GRM8: variants seen among roughly 807,000 people sequenced by gnomAD.
GRM8 encodes metabotropic glutamate receptor 8.
A neutral mutation model predicts 87.2 loss-of-function variants in GRM8; 47 were observed. The observed-to-expected ratio is 0.54, with a 90% CI of 0.43 to 0.69. The LOEUF (loss-of-function observed/expected upper bound fraction) is 0.69, where lower values mean the gene tolerates loss of function less well. Ranked by LOEUF, GRM8 falls within the 30% of genes least tolerant of loss-of-function variation. The pLI, the probability that GRM8 is intolerant of heterozygous loss-of-function variation, is 0.00. For missense variants in GRM8, 1,019 were observed against 1,139.2 expected, an observed-to-expected ratio of 0.89 and a Z score of 1.52; for synonymous variants, 396 against 404.5, an observed-to-expected ratio of 0.98 and a Z score of 0.25.
intron 3 of GRM8, among the ~76,000 whole-genome samples, chr7:126,986,639 A>G (rs17867059): frequency 0.015 from 2,215 of 152,292 alleles, 50 homozygotes; most frequent in African/African-American, 0.051. Flanking sequence ...ATATCCATAT[A>G]CATTAATATA....
chr7:126,587,035 T>C (rs541300793), intron 8 of GRM8, among the ~76,000 whole-genome samples: 1 of 152,006 alleles, frequency 6.6e-6, no homozygotes, highest in Admixed American at 6.6e-5. Context: ...CAGATACATC[T>C]CAAAAGAACA....
intron 7 of GRM8, among the ~76,000 whole-genome samples, chr7:126,663,596 T>TCATAGA: frequency 6.6e-6 from 1 of 152,124 alleles, no homozygotes; most frequent in Non-Finnish European, 1.5e-5. Flanking sequence ...TAACAACCCT[T>TCATAGA]CATGATAAAA....
At chr7:127,015,064 G>C (rs1236491416) in intron 3 of GRM8, among the ~76,000 whole-genome samples, 10 of 87,838 alleles carry the variant, frequency 1.1e-4, no homozygotes, top group African/African-American at 2.2e-4. Flanking sequence ...AGAAGAAGAA[G>C]AAGAAAGAAA....
intron 7 of GRM8, among the ~76,000 whole-genome samples, chr7:126,668,293 C>CA (rs1806012722): frequency 6.6e-6 from 1 of 152,150 alleles, no homozygotes; most frequent in South Asian, 2.1e-4. Flanking sequence ...AGGACCCCAT[C>CA]GCTAGCTGAA....
intron 1 of GRM8, among the ~76,000 whole-genome samples, chr7:127,248,765 G>A (rs1798708985): frequency 6.6e-6 from 1 of 152,168 alleles, no homozygotes; most frequent in Admixed American, 6.5e-5. Flanking sequence ...GAAGATCTAA[G>A]AAAACCACTT....
At chr7:127,017,119 C>T (rs1489590475) in intron 3 of GRM8, among the ~76,000 whole-genome samples, 2 of 151,894 alleles carry the variant, frequency 1.3e-5, no homozygotes, top group African/African-American at 4.8e-5. Flanking sequence ...TTTACAAAAC[C>T]CTTTATTACT....
chr7:126,739,607 A>C (rs1045724197), intron 7 of GRM8, among the ~76,000 whole-genome samples: 2 of 152,046 alleles, frequency 1.3e-5, no homozygotes, highest in Non-Finnish European at 2.9e-5. Context: ...CAATTTTCCT[A>C]ATGCAATCTT....
In GRM8 at chr7:126,559,352, T is replaced by C. The variant is rs550138506; in HGVS notation, c.1495-25465A>G. Reference sequence around the variant, plus strand: ...CACACCAGGCCAATTTTTGCATTTTTAGTAGAGACAGGGTTTCATCATGTT... The same window carrying C: ...CACACCAGGCCAATTTTTGCATTTTCAGTAGAGACAGGGTTTCATCATGTT... On this transcript the variant is annotated intron_variant, in intron 8 of 10. Coordinates refer to ENST00000339582, the MANE Select transcript of GRM8 (RefSeq NM_000845.3). Among the ~76,000 whole-genome samples, 3 of 152,086 alleles carry C rather than the reference T, an allele frequency of 2.0e-5. No homozygotes were observed. The East Asian group carries it at 5.8e-4, about 30-fold the overall frequency.
intron 9 of GRM8, among the ~76,000 whole-genome samples, chr7:126,503,506 G>A (rs1172737022): frequency 1.3e-5 from 2 of 151,910 alleles, no homozygotes; most frequent in Non-Finnish European, 2.9e-5. Flanking sequence ...TTTCATTGTT[G>A]TTAGCAATTG....
At chr7:127,079,079 T>A (rs1822580759) in intron 3 of GRM8, among the ~76,000 whole-genome samples, 1 of 152,174 alleles carries the variant, frequency 6.6e-6, no homozygotes, top group Non-Finnish European at 1.5e-5. Context: ...TATTAGGCAA[T>A]GACATTTATT....
intron 2 of GRM8, among the ~76,000 whole-genome samples, chr7:127,124,047 C>G (rs944870002): frequency 1.3e-5 from 2 of 152,094 alleles, no homozygotes; most frequent in African/African-American, 4.8e-5. Context: ...TCAACTGGGT[C>G]CTTTCTACTG....
At chr7:126,854,527 A>G (rs938107326) in intron 6 of GRM8, among the ~76,000 whole-genome samples, 3 of 152,276 alleles carry the variant, frequency 2.0e-5, no homozygotes, top group African/African-American at 7.2e-5. Context: ...AAAATCTTAC[A>G]TTTCTCACAA....
intron 3 of GRM8, chr7:127,080,612 G>A (rs1231620633): frequency 6.6e-6 from 1 of 151,682 alleles, no homozygotes; most frequent in African/African-American, 2.4e-5. Flanking sequence ...GGAGATATAA[G>A]CGTCCCCTGG....
intron 7 of GRM8, among the ~76,000 whole-genome samples, chr7:126,668,225 CT>C (rs1425299717): frequency 6.6e-6 from 1 of 152,120 alleles, no homozygotes; most frequent in African/African-American, 2.4e-5. Flanking sequence ...TAAAACCCTA[CT>C]TTACTCACCA....
At chr7:126,818,624 A>C (rs1446194039) in intron 6 of GRM8, among the ~76,000 whole-genome samples, 1 of 152,218 alleles carries the variant, frequency 6.6e-6, no homozygotes, top group African/African-American at 2.4e-5. Flanking sequence ...TGAGTCATAC[A>C]TTTAAAATTT....
chr7:126,566,238 A>T (rs1355114234), intron 8 of GRM8, among the ~76,000 whole-genome samples: 1 of 152,212 alleles, frequency 6.6e-6, no homozygotes, highest in Non-Finnish European at 1.5e-5. Flanking sequence ...TAAAATGACA[A>T]TCTATGAAAT....
chr7:127,056,970 A>G (rs540818728), intron 3 of GRM8, among the ~76,000 whole-genome samples: 1 of 152,338 alleles, frequency 6.6e-6, no homozygotes, highest in South Asian at 2.1e-4. Flanking sequence ...AATGTAGTGA[A>G]GCAGCTTTGT....
chr7:126,849,287 G>C (rs1563246919), intron 6 of GRM8, among the ~76,000 whole-genome samples: 1 of 152,050 alleles, frequency 6.6e-6, no homozygotes, highest in Non-Finnish European at 1.5e-5. Flanking sequence ...AAAGCATATA[G>C]GGAATACTTT....
At chr7:126,606,711 C>T (rs772446828) in intron 8 of GRM8, among the ~76,000 whole-genome samples, 4 of 152,192 alleles carry the variant, frequency 2.6e-5, no homozygotes, top group Non-Finnish European at 5.9e-5. Flanking sequence ...ACCCGCAACG[C>T]TATCTAGTTA....
Sources: gnomAD v4.1 joint callset for allele counts (sites outside exome capture counted in the v4.1 genomes callset) on GRCh38, gnomAD v4.1.1 for gene constraint, MANE v1.5 for transcripts, NCBI Gene and HGNC (gene_info 2026-07-23, HGNC 2026-07-21) for gene names.